The following KLHL13 variants were observed in gnomAD, a reference collection of about 807,000 sequenced individuals.
The protein encoded by KLHL13 is kelch like family member 13.
Under a neutral mutation model 37.1 loss-of-function variants are expected in KLHL13, and 10 were observed. The ratio of observed to expected loss-of-function variants is 0.27; its 90% confidence interval spans 0.17 to 0.46. The LOEUF (loss-of-function observed/expected upper bound fraction) is 0.46. Ranked by LOEUF, KLHL13 falls within the 20% of genes least tolerant of loss-of-function variation. KLHL13 has a pLI of 1.00. For synonymous variants in KLHL13, 163 were observed against 181.2 expected, an observed-to-expected ratio of 0.90 and a Z score of 0.81; for missense variants, 360 against 509.3, an observed-to-expected ratio of 0.71 and a Z score of 2.82.
chrX:117,945,365 T>C, intron 2 of KLHL13, 69 bp downstream of exon 3: 5 of 1,057,327 alleles, frequency 4.7e-6, no homozygotes, highest in Non-Finnish European at 6.5e-6. Flanking sequence ...ACTGACATCC[T>C]GCATCACAAA....
At chrX:118,031,453 ATAGATATATATATT>A (rs1334396204) in intron 1 of KLHL13, among the ~76,000 whole-genome samples, 4 of 90,653 alleles carry the variant, frequency 4.4e-5, no homozygotes, top group African/African-American at 1.5e-4. Context: ...AGATATATAT[ATAGATATATATATT>A]TAGATATATA....
chrX:118,116,293 C>T (rs2055467533), intron 1 of KLHL13, among the ~76,000 whole-genome samples: 2 of 112,125 alleles, frequency 1.8e-5, no homozygotes, highest in African/African-American at 6.5e-5. Context: ...CCAGAGGGAC[C>T]GGCAGAAAGG....
At position 118,038,551 on chromosome X, in the gene KLHL13, A is replaced by T. The variant is rs1457431689; in HGVS notation, c.-56+77957T>A. Among the ~76,000 whole-genome samples the T allele has an allele frequency of 3.6e-5, 4 of 111,238 alleles. No homozygotes were observed. The Admixed American group carries it at 3.8e-4, about 11-fold the overall frequency. On this transcript the variant is annotated intron_variant, in intron 1 of 6. Transcript: ENST00000371882. ...TTGGAACTCAGTGCTACCCTGTCAG[A>T]GTAGAGAGCAACAAGGGGAAAAACT...
intron 1 of KLHL13, among the ~76,000 whole-genome samples, chrX:118,069,147 A>ACACACACACACACACACACC (rs1382307402): frequency 1.9e-5 from 2 of 105,556 alleles, no homozygotes; most frequent in African/African-American, 7.0e-5. Context: ...ACACACACAC[A>ACACACACACACACACACACC]CCCTCACCTG....
At chrX:118,042,925 A>T (rs2054520167) in intron 1 of KLHL13, among the ~76,000 whole-genome samples, 1 of 110,791 alleles carries the variant, frequency 9.0e-6, no homozygotes. Context: ...AAATGAAAAA[A>T]AAAAATACAA....
At chrX:117,955,481 T>G (rs768376577) in intron 1 of KLHL13, among the ~76,000 whole-genome samples, 1 of 112,032 alleles carries the variant, frequency 8.9e-6, no homozygotes, top group African/African-American at 3.2e-5. Flanking sequence ...TCAGTCTTGA[T>G]TTTTGTAATG....
chrX:118,033,390 T>C (rs974346331), intron 1 of KLHL13, among the ~76,000 whole-genome samples: 8 of 111,187 alleles, frequency 7.2e-5, no homozygotes, highest in African/African-American at 2.6e-4. Flanking sequence ...TAACAGCAGA[T>C]CTCTCGGCAG....
chrX:118,048,195 ATGTTT>A (rs763475546), intron 1 of KLHL13, among the ~76,000 whole-genome samples: 24 of 111,756 alleles, frequency 2.1e-4, no homozygotes, highest in Non-Finnish European at 4.1e-4. Context: ...CAAGTAGTTA[ATGTTT>A]TGTTTTATTT....
At chrX:117,970,496 A>G (rs769887447) in intron 1 of KLHL13, among the ~76,000 whole-genome samples, 1 of 111,838 alleles carries the variant, frequency 8.9e-6, no homozygotes, top group East Asian at 2.8e-4. Context: ...TGCCAGCCAA[A>G]CAATTGTGAG....
intron 1 of KLHL13, among the ~76,000 whole-genome samples, chrX:118,041,379 T>C (rs1468163733): frequency 3.6e-5 from 4 of 109,998 alleles, no homozygotes; most frequent in Admixed American, 2.9e-4. Flanking sequence ...ACACAAAAAC[T>C]AGCCAGGCAT....
intron 1 of KLHL13, among the ~76,000 whole-genome samples, chrX:118,086,885 T>C (rs2055060252): frequency 9.0e-6 from 1 of 111,491 alleles, no homozygotes; most frequent in African/African-American, 3.3e-5. Flanking sequence ...GAGGCATGTA[T>C]TAAAATGTGT....
At chrX:117,920,407 T>C (rs761846960) in intron 2 of KLHL13, 37 bp from the exon 4 acceptor site, 14 of 1,179,380 alleles carry the variant, frequency 1.2e-5, no homozygotes, top group Non-Finnish European at 1.6e-5. Context: ...CTAATCAAGG[T>C]AAAATGAGGT....
At chrX:118,048,123 C>T in intron 1 of KLHL13, among the ~76,000 whole-genome samples, 1 of 111,316 alleles carries the variant, frequency 9.0e-6, no homozygotes, top group Non-Finnish European at 1.9e-5. Context: ...ACAACTCTTA[C>T]AAGGAGTGTT....
chrX:117,910,130 C>G (rs753097673), intron 4 of KLHL13, 34 bp from the exon 6 acceptor site: 3 of 1,021,787 alleles, frequency 2.9e-6, no homozygotes, highest in Non-Finnish European at 3.9e-6. Flanking sequence ...TAAAACATGA[C>G]TACTTTCATG....
At chrX:117,916,526 T>A (rs1232178328) in intron 4 of KLHL13, among the ~76,000 whole-genome samples, 1 of 112,353 alleles carries the variant, frequency 8.9e-6, no homozygotes, top group Non-Finnish European at 1.9e-5. Context: ...TTAACACTGA[T>A]GCTCTGTTAT....
chrX:117,945,335 C>A, intron 2 of KLHL13, 99 bp downstream of exon 3: 1 of 849,334 alleles, frequency 1.2e-6, no homozygotes, highest in Non-Finnish European at 1.7e-6. Context: ...CACACATACA[C>A]ACCCACAACC....
At chrX:118,014,886 A>G (rs1188106493) in intron 1 of KLHL13, among the ~76,000 whole-genome samples, 1 of 112,327 alleles carries the variant, frequency 8.9e-6, no homozygotes, top group Non-Finnish European at 1.9e-5. Context: ...TATTATAACT[A>G]CAAGTCTTTA....
chrX:118,036,616 G>T (rs1206046093), intron 1 of KLHL13, among the ~76,000 whole-genome samples: 1 of 111,805 alleles, frequency 8.9e-6, no homozygotes, highest in Non-Finnish European at 1.9e-5. Flanking sequence ...AGACTTAAAT[G>T]TTAGACCCAA....
At chrX:117,972,660 C>T (rs1324854802) in intron 1 of KLHL13, 27 of 933,471 alleles carry the variant, frequency 2.9e-5, no homozygotes, top group African/African-American at 3.9e-5. Flanking sequence ...GGGGCTCCCC[C>T]GCCCCCATTT....
Sources: gnomAD v4.1 joint callset for allele counts (sites outside exome capture counted in the v4.1 genomes callset) on GRCh38, gnomAD v4.1.1 for gene constraint, MANE v1.5 for transcripts, NCBI Gene and HGNC (gene_info 2026-07-23, HGNC 2026-07-21) for gene names.